Variants in NTRK3 observed in about 807,000 individuals in gnomAD.
The protein encoded by NTRK3 is NT-3 growth factor receptor.
In NTRK3, 24 loss-of-function variants were observed where a neutral mutation model predicts 91.7. The ratio of observed to expected loss-of-function variants is 0.26; its 90% CI spans 0.19 to 0.37. NTRK3 has a LOEUF of 0.37. Among genes scored for constraint, NTRK3 ranks in the 10% least tolerant of loss-of-function variants. NTRK3 has a pLI of 1.00. For missense variants in NTRK3, 880 were observed against 1,068.9 expected, an observed-to-expected ratio of 0.82 and a Z score of 2.46; for synonymous variants, 483 against 404.0, an observed-to-expected ratio of 1.20 and a Z score of -2.34.
intron 7 of NTRK3, among the ~76,000 whole-genome samples, chr15:88,137,064 C>T (rs1033628347): frequency 2.0e-5 from 3 of 152,128 alleles, no homozygotes; most frequent in Non-Finnish European, 1.5e-5. Flanking sequence ...GAAGCTGCTG[C>T]CATAGGGAAT....
At chr15:88,251,650 C>A (rs2053389432) in intron 3 of NTRK3, among the ~76,000 whole-genome samples, 1 of 152,242 alleles carries the variant, frequency 6.6e-6, no homozygotes, top group African/African-American at 2.4e-5. Flanking sequence ...TACCCACACC[C>A]ACCCAAGAGC....
intron 13 of NTRK3, among the ~76,000 whole-genome samples, chr15:88,103,671 T>C (rs753430757): frequency 6.6e-6 from 1 of 152,156 alleles, no homozygotes; most frequent in South Asian, 2.1e-4. Context: ...AGGGGATTCA[T>C]AGAAGACAGT....
chr15:87,980,507 G>A (rs1169694690), intron 14 of NTRK3, among the ~76,000 whole-genome samples: 1 of 152,168 alleles, frequency 6.6e-6, no homozygotes, highest in Non-Finnish European at 1.5e-5. Flanking sequence ...TTGCATGTAT[G>A]TGCGAATATA....
intron 13 of NTRK3, among the ~76,000 whole-genome samples, chr15:88,044,553 G>GC (rs1360991793): frequency 1.3e-5 from 2 of 150,932 alleles, no homozygotes; most frequent in Non-Finnish European, 3.0e-5. Context: ...GAGCCACCAC[G>GC]CCTGGCCCAC....
chr15:87,875,616 G>A (rs533162704), exon 19 of NTRK3: 1 of 232,866 alleles, frequency 4.3e-6, no homozygotes, highest in East Asian at 6.1e-5. Context: ...ACAGCTCAAA[G>A]GCAGATGCAT....
At position 87,973,259 on chromosome 15, in the gene NTRK3, T is replaced by C. The variant is rs150294260; in HGVS notation, c.1586-32506A>G. Among the ~76,000 whole-genome samples, 40 of 152,274 alleles carry C rather than the reference T, an allele frequency of 2.6e-4. 1 individual carries two copies. The East Asian group carries it at 7.4e-3, about 28-fold the overall frequency. ...ACCCGTGCAGAAATCTCTTCCCTTA[T>C]CAAGATTTAATTTCAAGGGAAACTG... is the stretch of plus-strand genomic sequence containing the variant. On this transcript the variant is annotated intron_variant, in intron 14 of 18. Transcript: ENST00000394480.
chr15:88,030,850 GT>G (rs1186669882), intron 14 of NTRK3, among the ~76,000 whole-genome samples: 1 of 151,074 alleles, frequency 6.6e-6, no homozygotes, highest in East Asian at 1.9e-4. Flanking sequence ...TAAAATTCTT[GT>G]TTCAACTCTC....
intron 13 of NTRK3, among the ~76,000 whole-genome samples, chr15:88,062,476 T>A (rs1160595126): frequency 2.0e-5 from 3 of 152,116 alleles, no homozygotes; most frequent in Non-Finnish European, 4.4e-5. Flanking sequence ...TCTCCCTAAA[T>A]AGGATGAAGT....
rs75719265 is a variant in NTRK3, at chr15:88,162,449, G to A, written c.396-15046C>T. Reference sequence around the variant, plus strand: ...CCTCCAAAGCCAACTGTGAATGAACGGGGGATCAGCCAGCAGAAGGAGAGG... The same window carrying A: ...CCTCCAAAGCCAACTGTGAATGAACAGGGGATCAGCCAGCAGAAGGAGAGG... On this transcript the variant is annotated intron_variant, in intron 5 of 18. Transcript: ENST00000394480. 3.0e-3 allele frequency among the ~76,000 whole-genome samples: 461 copies of A among 152,258 alleles called. 4 individuals are homozygous for A. The highest frequency in any genetic ancestry group is 0.01 in the African/African-American group (429 of 41,546).
intron 13 of NTRK3, among the ~76,000 whole-genome samples, chr15:88,093,025 T>G (rs1225676295): frequency 2.0e-5 from 3 of 151,894 alleles, no homozygotes; most frequent in African/African-American, 7.2e-5. Context: ...CCTGATTTTT[T>G]GTTTCTGGTT....
chr15:87,888,513 A>G (rs2065675828), intron 17 of NTRK3, among the ~76,000 whole-genome samples: 1 of 152,234 alleles, frequency 6.6e-6, no homozygotes, highest in South Asian at 2.1e-4. Context: ...AGAGAAGCTC[A>G]GTCTCTGTGA....
chr15:88,165,726 A>G (rs2044872348), intron 5 of NTRK3, among the ~76,000 whole-genome samples: 1 of 152,242 alleles, frequency 6.6e-6, no homozygotes, highest in South Asian at 2.1e-4. Context: ...GCAATTCAAT[A>G]ATCCATGGCT....
At position 88,204,125 on chromosome 15, in the gene NTRK3, T is replaced by C. The variant is rs571941889; in HGVS notation, c.249-19826A>G. On this transcript the variant is annotated intron_variant, in intron 3 of 18. Coordinates refer to ENST00000394480, the Ensembl canonical transcript of NTRK3. ...CAACTCCCACTTATGAGTGAGAACA[T>C]GTGGTGTCTGGTTTTCTGTTCTTGT... Among the ~76,000 whole-genome samples the C allele has an allele frequency of 2.4e-4, 37 of 152,210 alleles. 1 individual carries two copies. Among genetic ancestry groups the C allele is most frequent in the Non-Finnish European group, 4.7e-4 (32 of 68,048 alleles).
At position 88,135,606 on chromosome 15, in the gene NTRK3, C is replaced by T. The variant is rs544180508; in HGVS notation, c.908-209G>A. 3.9e-5 allele frequency among the ~76,000 whole-genome samples: 6 copies of T among 152,294 alleles called. No individual in the cohort carries two copies. In the South Asian group the frequency reaches 1.2e-3, roughly 32 times the overall value. On this transcript the variant is annotated intron_variant, in intron 9 of 18. Coordinates refer to ENST00000394480, the Ensembl canonical transcript of NTRK3. ...TAGATCCACCTTAGCTGGAGGGCTC[C>T]CTCTTGGGACCTCTTAGGGGTTTCA...
At position 88,127,342 on chromosome 15, in the gene NTRK3, C is replaced by A; in HGVS notation, c.1229-116G>T. On this transcript the variant is annotated intron_variant, in intron 11 of 18. Transcript: ENST00000394480. Reference sequence around the variant, plus strand: ...GAGACTTCCCCCTGCAGAACATCCTCTGAAAGCCAGGCTCTTGCAGTCTGC... The same window carrying A: ...GAGACTTCCCCCTGCAGAACATCCTATGAAAGCCAGGCTCTTGCAGTCTGC... The A allele has an allele frequency of 3.5e-6, 3 of 849,150 alleles. No homozygotes were observed. In the South Asian group the frequency reaches 4.3e-5, roughly 12 times the overall value. 52.6% of individuals were successfully genotyped at this position (849,150 alleles called of 1,614,324 possible). A position where few individuals can be genotyped will look rare whatever the true frequency, so the allele number is the denominator to read the frequency against.
At chr15:88,098,530 A>G (rs2049857996) in intron 13 of NTRK3, 2 of 223,348 alleles carry the variant, frequency 9.0e-6, no homozygotes, top group Admixed American at 5.7e-5. Flanking sequence ...AATACTCACC[A>G]GGAGACGGTA....
intron 13 of NTRK3, among the ~76,000 whole-genome samples, chr15:88,094,537 G>A (rs1446267233): frequency 1.4e-5 from 2 of 139,676 alleles, no homozygotes; most frequent in East Asian, 4.4e-4. Flanking sequence ...CGTCCCCAAA[G>A]CAGACCCCTC....
intron 15 of NTRK3, among the ~76,000 whole-genome samples, chr15:87,933,511 C>T (rs1389633030): frequency 6.6e-6 from 1 of 152,242 alleles, no homozygotes; most frequent in East Asian, 1.9e-4. Context: ...AGGAGGAAAG[C>T]CTGGCAAAAG....
At chr15:88,175,613 T>C (rs1482883297) in intron 5 of NTRK3, among the ~76,000 whole-genome samples, 1 of 152,218 alleles carries the variant, frequency 6.6e-6, no homozygotes. Context: ...CTGCTATATG[T>C]ACTATTTATA....
Sources: allele counts gnomAD v4.1 joint callset (sites outside exome capture counted in the v4.1 genomes callset), GRCh38; gene constraint gnomAD v4.1.1; transcripts MANE v1.5; gene names NCBI Gene and HGNC (gene_info 2026-07-23, HGNC 2026-07-21).